PPP2R2D: variants seen among roughly 807,000 people sequenced by gnomAD.
PPP2R2D encodes the protein serine/threonine-protein phosphatase 2A 55 kDa regulatory subunit B delta isoform.
In PPP2R2D, 9 loss-of-function variants were observed where a neutral mutation model predicts 31.1. That is an observed-to-expected ratio of 0.29 (90% CI 0.17 to 0.51). PPP2R2D has a LOEUF of 0.51. Ranked by LOEUF, PPP2R2D falls within the 20% of genes least tolerant of loss-of-function variation. PPP2R2D has a pLI of 0.98. For synonymous variants in PPP2R2D, 179 were observed against 172.6 expected, an observed-to-expected ratio of 1.04 and a Z score of -0.29; for missense variants, 391 against 465.6, an observed-to-expected ratio of 0.84 and a Z score of 1.48.
At chr10:131,920,419 G>A (rs1360097070) in intron 2 of PPP2R2D, among the ~76,000 whole-genome samples, 6 of 151,846 alleles carry the variant, frequency 4.0e-5, no homozygotes, top group South Asian at 2.1e-4. Context: ...GACCTCACGC[G>A]GGTGGAATGA....
intron 8 of PPP2R2D, among the ~76,000 whole-genome samples, chr10:131,952,898 T>TCA (rs2036703756): frequency 2.9e-5 from 1 of 34,012 alleles, no homozygotes. Context: ...CGGGTGTGTG[T>TCA]GGGGGGTTCA....
chr10:131,935,131 G>C, intron 3 of PPP2R2D: 1 of 356,248 alleles, frequency 2.8e-6, no homozygotes, highest in South Asian at 2.1e-5. Flanking sequence ...TCCCGGTCAC[G>C]GCACTGCCTT....
At chr10:131,918,740 C>CA (rs1275028617) in intron 2 of PPP2R2D, among the ~76,000 whole-genome samples, 5 of 104,596 alleles carry the variant, frequency 4.8e-5, no homozygotes, top group Non-Finnish European at 7.9e-5. Flanking sequence ...GGTGGAATGA[C>CA]ACAGTGTTTG....
At chr10:131,963,931 G>A (rs1440619589), downstream of PPP2R2D, among the ~76,000 whole-genome samples, 9 of 152,080 alleles carry the variant, frequency 5.9e-5, no homozygotes, top group Admixed American at 5.2e-4. Flanking sequence ...CACGAGTGTC[G>A]GTTTTTCCTG....
At chr10:131,941,414 G>C (rs2036438706) in intron 5 of PPP2R2D, among the ~76,000 whole-genome samples, 1 of 152,156 alleles carries the variant, frequency 6.6e-6, no homozygotes, top group Non-Finnish European at 1.5e-5. Flanking sequence ...CTGGGCTCGA[G>C]CCCAGGTGTG....
At chr10:131,970,819 G>A in the PPP2R2D span, 1 of 1,614,218 alleles carries the variant, frequency 6.2e-7, no homozygotes, top group South Asian at 1.1e-5. The surrounding 1 kb of genome is among the most constrained non-coding windows in gnomAD (Gnocchi z 4.1). Flanking sequence ...CAGCTGATGT[G>A]TCCTCTGTCA....
the PPP2R2D span, chr10:131,969,231 G>C: frequency 6.6e-6 from 1 of 152,404 alleles, no homozygotes; most frequent in Admixed American, 6.5e-5. Context: ...AGCTGAGGGG[G>C]TGTGGGTCGC....
intron 8 of PPP2R2D, among the ~76,000 whole-genome samples, chr10:131,951,809 G>T (rs1254767261): frequency 6.6e-6 from 1 of 152,012 alleles, no homozygotes; most frequent in Non-Finnish European, 1.5e-5. Flanking sequence ...GATAGAGTGA[G>T]ACTCTGTCTC....
chr10:131,919,032 C>T (rs2035899797), intron 2 of PPP2R2D, among the ~76,000 whole-genome samples: 1 of 126,382 alleles, frequency 7.9e-6, no homozygotes, highest in Non-Finnish European at 1.7e-5. Context: ...GTAGGGACCT[C>T]AGGCGAGCGG....
At chr10:131,920,268 GAC>G (rs201713324) in intron 2 of PPP2R2D, among the ~76,000 whole-genome samples, 3,501 of 150,026 alleles carry the variant, frequency 0.023, 60 homozygotes, top group Middle Eastern at 0.052. Context: ...TGGGTGGAAT[GAC>G]ACAGTGTAGG....
At chr10:131,943,108 G>T (rs2036469621) in intron 5 of PPP2R2D, among the ~76,000 whole-genome samples, 1 of 152,130 alleles carries the variant, frequency 6.6e-6, no homozygotes, top group Admixed American at 6.5e-5. Flanking sequence ...TTTTCTTCCA[G>T]CTGGATGTTA....
At chr10:131,967,350 CAA>C in the PPP2R2D span, 17 of 152,220 alleles carry the variant, frequency 1.1e-4, no homozygotes, top group African/African-American at 4.1e-4. Flanking sequence ...TGCTCTAAAA[CAA>C]AAACGGAATT....
At chr10:131,903,403 G>A (rs1347033807) in intron 2 of PPP2R2D, among the ~76,000 whole-genome samples, 1 of 144,124 alleles carries the variant, frequency 6.9e-6, no homozygotes, top group African/African-American at 2.6e-5. Flanking sequence ...GGTGGTGGAG[G>A]TTGCAGTGAG....
the PPP2R2D span, chr10:131,971,263 A>T: frequency 2.6e-3 from 1,104 of 424,480 alleles, 1 homozygote; most frequent in Non-Finnish European, 4.0e-3. Context: ...GGGTACTGAC[A>T]GCGGCAAACA....
Position 131,955,934 on chromosome 10 carries a change from T to C in PPP2R2D, c.1333T>C (p.Leu445=), listed in dbSNP as rs782422557. 6.4e-7 allele frequency: 1 copy of C among 1,572,282 alleles called. No individual in the cohort carries two copies. Among genetic ancestry groups the C allele is most frequent in the South Asian group, 1.2e-5 (1 of 85,222 alleles). The part of the protein sequence containing the change: ...NVIAVAATNN[L]YIFQDKIN Reference sequence around the variant, plus strand: ...CATTGCCGTGGCTGCCACCAATAACTTGTACATATTCCAGGACAAAATCAA... The same window carrying C: ...CATTGCCGTGGCTGCCACCAATAACCTGTACATATTCCAGGACAAAATCAA... The change falls in exon 9 of 9, where the codon TTG becomes CTG. Residue 445 remains leucine (L), a synonymous_variant. Coordinates refer to ENST00000455566, the MANE Select transcript of PPP2R2D (RefSeq NM_018461.5).
chr10:131,926,689 G>A (rs2036113443), intron 2 of PPP2R2D, among the ~76,000 whole-genome samples: 1 of 152,206 alleles, frequency 6.6e-6, no homozygotes, highest in African/African-American at 2.4e-5. Flanking sequence ...GAAGTTTTAT[G>A]TGAAGGAGTT....
chr10:131,936,469 T>A (rs577822557), intron 3 of PPP2R2D, among the ~76,000 whole-genome samples: 4 of 152,230 alleles, frequency 2.6e-5, no homozygotes, highest in African/African-American at 9.6e-5. Context: ...TTTAACAAAT[T>A]GTTGAGTCAT....
chr10:131,935,149 A>T (rs541586595), intron 3 of PPP2R2D: 21 of 346,350 alleles, frequency 6.1e-5, no homozygotes, highest in African/African-American at 4.3e-4. Context: ...CTTTTCACTG[A>T]TGCCTTGCCA....
chr10:131,909,981 C>T (rs1004696800), intron 2 of PPP2R2D, among the ~76,000 whole-genome samples: 12 of 152,200 alleles, frequency 7.9e-5, no homozygotes, highest in African/African-American at 2.7e-4. Context: ...TAAGAGGTGA[C>T]GGCTGGATTC....
Sources: allele counts gnomAD v4.1 joint callset (sites outside exome capture counted in the v4.1 genomes callset), GRCh38; gene constraint gnomAD v4.1.1; non-coding constraint Gnocchi (gnomAD v3.1); transcripts MANE v1.5; gene names NCBI Gene and HGNC (gene_info 2026-07-23, HGNC 2026-07-21).